Variants in SOHLH2 observed in about 807,000 individuals in gnomAD.
The protein encoded by SOHLH2 is spermatogenesis- and oogenesis-specific basic helix-loop-helix-containing protein 2.
A neutral mutation model predicts 50.4 loss-of-function variants in SOHLH2; 22 were observed. That is an observed-to-expected ratio of 0.44 (90% CI 0.31 to 0.62). The LOEUF (loss-of-function observed/expected upper bound fraction) is 0.62. SOHLH2 is among the 20% of genes least tolerant of loss of function. SOHLH2 has a pLI of 0.08. For synonymous variants in SOHLH2, 185 were observed against 187.3 expected (o/e 0.99, Z 0.10); for missense variants, 412 against 504.4 (o/e 0.82, Z 1.76).
At chr13:36,196,128 T>TAGATAGATAGATAA (rs1566043063) in intron 2 of SOHLH2, among the ~76,000 whole-genome samples, 20 of 98,212 alleles carry the variant, frequency 2.0e-4, no homozygotes, top group African/African-American at 7.2e-4. Flanking sequence ...AGATAGATAA[T>TAGATAGATAGATAA]TTTTTTTTTT....
rs547572442 is a variant in SOHLH2, at chr13:36,173,675, T to A, written c.1000+17A>T. ...CAGGTCCCCCTCTAAGTGGCACAGA[T>A]GCTAGGAGAAGCTCACCTCTCACAG... On this transcript the variant is annotated intron_variant, in intron 9 of 10. Coordinates refer to ENST00000379881, the MANE Select transcript of SOHLH2 (RefSeq NM_017826.3). The A allele has an allele frequency of 1.0e-4, 161 of 1,612,260 alleles. No homozygotes were observed. The highest frequency in any genetic ancestry group is 1.4e-4 in the Non-Finnish European group (160 of 1,179,820).
chr13:36,213,952 AGT>A (rs1566049767), intron 1 of SOHLH2, among the ~76,000 whole-genome samples: 1 of 152,084 alleles, frequency 6.6e-6, no homozygotes. Flanking sequence ...CCAGCCCCAG[AGT>A]GCCTACTAAA....
intron 9 of SOHLH2, among the ~76,000 whole-genome samples, chr13:36,171,989 C>T (rs1233667827): frequency 1.3e-5 from 2 of 152,114 alleles, no homozygotes; most frequent in East Asian, 3.9e-4. Context: ...TTATCTTATC[C>T]AGGTTAGTAA....
chr13:36,195,931 T>C (rs1034079860), intron 2 of SOHLH2, among the ~76,000 whole-genome samples: 16 of 151,806 alleles, frequency 1.1e-4, no homozygotes, highest in African/African-American at 3.9e-4. Flanking sequence ...GGAGGGAGGA[T>C]AGAGTTTGCC....
chr13:36,182,237 A>G (rs1366874675), intron 6 of SOHLH2: 1 of 985,298 alleles, frequency 1.0e-6, no homozygotes, highest in African/African-American at 1.7e-5. Flanking sequence ...AACTCAGACA[A>G]AATCTTGTAT....
chr13:36,201,818 A>T (rs1868436241), intron 2 of SOHLH2, 61 bp downstream of exon 2: 7 of 1,589,018 alleles, frequency 4.4e-6, no homozygotes, highest in Non-Finnish European at 6.0e-6. Flanking sequence ...AGGAGTTTTT[A>T]AAAAATGGGT....
At chr13:36,180,990 T>G (rs962858972) in intron 6 of SOHLH2, among the ~76,000 whole-genome samples, 2 of 152,204 alleles carry the variant, frequency 1.3e-5, no homozygotes, top group Non-Finnish European at 2.9e-5. Context: ...GCAATTGTTT[T>G]AAAATTATCT....
At position 36,202,862 on chromosome 13, in the gene SOHLH2, G is replaced by A. The variant is rs758150755; in HGVS notation, c.49-769C>T. ...AGTTGAAGCTAAGAGTGAGGGAAGGGGCTGGAAATACTTGTACAAAGAGAA... is the reference window on the plus strand; with the variant it reads ...AGTTGAAGCTAAGAGTGAGGGAAGGAGCTGGAAATACTTGTACAAAGAGAA... On this transcript the variant is annotated intron_variant, in intron 1 of 10. Coordinates refer to ENST00000379881, the MANE Select transcript of SOHLH2 (RefSeq NM_017826.3). Among the ~76,000 whole-genome samples, 55 of 152,152 alleles carry A rather than the reference G, an allele frequency of 3.6e-4. 2 individuals are homozygous for A. The highest frequency in any genetic ancestry group is 2.1e-4 in the Non-Finnish European group (14 of 68,042).
chr13:36,213,655 G>T (rs1869253228), intron 1 of SOHLH2, among the ~76,000 whole-genome samples: 1 of 152,050 alleles, frequency 6.6e-6, no homozygotes, highest in Non-Finnish European at 1.5e-5. Context: ...TGCTAAAGGG[G>T]CTGAAAAATA....
At chr13:36,203,751 A>G (rs1868574859) in intron 1 of SOHLH2, among the ~76,000 whole-genome samples, 1 of 152,212 alleles carries the variant, frequency 6.6e-6, no homozygotes, top group South Asian at 2.1e-4. Flanking sequence ...CATTTTTTGA[A>G]TGAATGGAGT....
At chr13:36,170,885 C>T (rs939380024) in intron 9 of SOHLH2, 98 bp from the exon 10 acceptor site, 9 of 1,520,564 alleles carry the variant, frequency 5.9e-6, no homozygotes, top group Non-Finnish European at 7.9e-6. Context: ...TTCATTTCCT[C>T]ACATTACAAA....
At chr13:36,211,271 G>C (rs756195226) in intron 1 of SOHLH2, among the ~76,000 whole-genome samples, 5 of 151,978 alleles carry the variant, frequency 3.3e-5, no homozygotes, top group Non-Finnish European at 5.9e-5. Flanking sequence ...GGGTGTCCTG[G>C]GATATAGTTT....
intron 6 of SOHLH2, among the ~76,000 whole-genome samples, chr13:36,181,212 A>G (rs1267195194): frequency 6.6e-6 from 1 of 152,062 alleles, no homozygotes; most frequent in Non-Finnish European, 1.5e-5. Flanking sequence ...TGTTTCCACA[A>G]TGGATATATT....
chr13:36,214,534 G>A lies in SOHLH2; in HGVS notation c.-8C>T. On this transcript the variant is annotated 5_prime_UTR_variant, in exon 1 of 11. Transcript: ENST00000379881. ...GATAATTGAGGAAGCCATGGCCGCT[G>A]CGCACGTGCTGGGTCCTGGGGCAGC... 1 of 1,610,592 alleles carries A rather than the reference G, an allele frequency of 6.2e-7. No individual in the cohort carries two copies. The highest frequency in any genetic ancestry group is 8.5e-7 in the Non-Finnish European group (1 of 1,178,748).
intron 1 of SOHLH2, among the ~76,000 whole-genome samples, chr13:36,203,163 G>A (rs558571715): frequency 2.0e-5 from 3 of 152,158 alleles, no homozygotes; most frequent in African/African-American, 7.2e-5. Flanking sequence ...TCAAGAGTCT[G>A]GTGTCTATCC....
At chr13:36,170,469 A>G (rs1199127819) in intron 10 of SOHLH2, 62 bp downstream of exon 10, 1 of 1,558,870 alleles carries the variant, frequency 6.4e-7, no homozygotes, top group East Asian at 2.3e-5. Flanking sequence ...AATGCAGGTC[A>G]GGGGTTTCTG....
intron 1 of SOHLH2, among the ~76,000 whole-genome samples, chr13:36,213,314 G>C (rs983365049): frequency 6.6e-6 from 1 of 152,116 alleles, no homozygotes; most frequent in Admixed American, 6.6e-5. Context: ...TTTCCTTAGA[G>C]TTTAAATAGG....
At chr13:36,198,216 CTCATGAGA>C (rs1555245421) in intron 2 of SOHLH2, among the ~76,000 whole-genome samples, 3 of 152,124 alleles carry the variant, frequency 2.0e-5, no homozygotes, top group Non-Finnish European at 4.4e-5. Context: ...CTGCTCTGAG[CTCATGAGA>C]ATCACAGAAT....
At chr13:36,173,571 CAGA>C (rs1887019303) in intron 9 of SOHLH2, 118 bp downstream of exon 9, 2 of 1,167,156 alleles carry the variant, frequency 1.7e-6, no homozygotes, top group African/African-American at 1.5e-5. Context: ...CTGACAATAC[CAGA>C]AGGACTCATC....
Sources: allele counts gnomAD v4.1 joint callset (sites outside exome capture counted in the v4.1 genomes callset), GRCh38; gene constraint gnomAD v4.1.1; transcripts MANE v1.5; gene names NCBI Gene and HGNC (gene_info 2026-07-23, HGNC 2026-07-21).